USP53: variants seen among roughly 807,000 people sequenced by gnomAD.
USP53 encodes ubiquitin carboxyl-terminal hydrolase 53.
Under a neutral mutation model 94.9 loss-of-function variants are expected in USP53, and 71 were observed. The ratio of observed to expected loss-of-function variants is 0.75; its 90% confidence interval spans 0.62 to 0.91. The LOEUF is 0.91. USP53 is among the 40% of genes least tolerant of loss of function. The pLI is 0.00. For missense variants in USP53, 1,173 were observed against 1,281.0 expected, an observed-to-expected ratio of 0.92 and a Z score of 1.29; for synonymous variants, 375 against 422.7, an observed-to-expected ratio of 0.89 and a Z score of 1.39.
intron 13 of USP53, 95 bp from the exon 14 acceptor site, chr4:119,268,173 C>CA (rs10683951): frequency 0.27 from 231,680 of 859,892 alleles, 7,422 homozygotes; most frequent in East Asian, 0.37. Context: ...GACTCCGTCT[C>CA]AAAAAAAAAA....
At position 119,259,897 on chromosome 4, in the gene USP53, A is replaced by G; in HGVS notation, c.647A>G (p.Asn216Ser). 1 of 1,611,868 alleles carries G rather than the reference A, an allele frequency of 6.2e-7. No homozygotes were observed. The highest frequency in any genetic ancestry group is 8.5e-7 in the Non-Finnish European group (1 of 1,178,902). ...EMFAELLQAA[N>S]TTDDYRKCPS... ...TTTGCAGAATTGCTACAAGCAGCAA[A>G]TACAACAGATGACTATAGGAAATGT... is the stretch of plus-strand genomic sequence containing the variant. Residue 216 changes from asparagine (N) to serine (S), a missense_variant, in exon 10 of 19, where the codon AAT becomes AGT. Coordinates refer to ENST00000692078, the MANE Select transcript of USP53 (RefSeq NM_001371395.1).
chr4:119,269,004 A>G (rs922339157), intron 14 of USP53, among the ~76,000 whole-genome samples: 3 of 152,244 alleles, frequency 2.0e-5, no homozygotes, highest in African/African-American at 7.2e-5. Flanking sequence ...ACCTTTAAAC[A>G]TATTAATGAA....
At chr4:119,275,899 T>C (rs1752566826) in intron 17 of USP53, among the ~76,000 whole-genome samples, 2 of 151,354 alleles carry the variant, frequency 1.3e-5, no homozygotes, top group South Asian at 4.2e-4. Context: ...GCTCTCTGTT[T>C]GTCTGTTGTT....
intron 4 of USP53, among the ~76,000 whole-genome samples, chr4:119,237,430 G>A (rs552885875): frequency 2.6e-5 from 4 of 152,242 alleles, no homozygotes; most frequent in South Asian, 2.1e-4. Context: ...GGAACCTGGT[G>A]CTAAACTATT....
chr4:119,260,713 C>G (rs1442236152), intron 11 of USP53, 60 bp downstream of exon 11: 1 of 1,558,798 alleles, frequency 6.4e-7, no homozygotes, highest in Non-Finnish European at 8.8e-7. Flanking sequence ...AAACATCATC[C>G]TGATGTTTTA....
chr4:119,273,959 T>C (rs1578539362), intron 17 of USP53, among the ~76,000 whole-genome samples: 1 of 151,470 alleles, frequency 6.6e-6, no homozygotes, highest in Non-Finnish European at 1.5e-5. Flanking sequence ...ACTTTCCACA[T>C]TGACTTCACA....
In USP53 at chr4:119,261,744, CA is replaced by C; in HGVS notation, c.857del (p.Asn286IlefsTer9). ...TTTATAGAGTTACTGATGAAAATGC[CA>C]AAAATAGTGAACTTAACCTTGTTGG... ...LFYRVTDENA[K>X]NSELNLVGMI... On this transcript the variant is annotated frameshift_variant, in exon 12 of 19. Transcript: ENST00000692078. LOFTEE classifies it high-confidence loss of function. 4 of 1,561,978 alleles carry C rather than the reference CA, an allele frequency of 2.6e-6. No individual in the cohort carries two copies. The highest frequency in any genetic ancestry group is 1.7e-5 in the Admixed American group (1 of 58,232).
chr4:119,279,876 G>A (rs62328398), intron 17 of USP53, among the ~76,000 whole-genome samples: 32,971 of 152,104 alleles, frequency 0.22, 4,094 homozygotes, highest in South Asian at 0.32. Context: ...AGGTGCGTCC[G>A]TCACCCCTTT....
chr4:119,230,018 G>C (rs550314196), intron 3 of USP53, among the ~76,000 whole-genome samples: 1 of 152,120 alleles, frequency 6.6e-6, no homozygotes, highest in Non-Finnish European at 1.5e-5. Flanking sequence ...ACTTGTGCTC[G>C]TTTTTCAATA....
At chr4:119,260,337 A>G (rs1338620498) in intron 10 of USP53, among the ~76,000 whole-genome samples, 170 bp from the exon 11 acceptor site, 2 of 151,688 alleles carry the variant, frequency 1.3e-5, no homozygotes, top group African/African-American at 4.9e-5. Flanking sequence ...ATTTAAAATA[A>G]ACTTCTTTTT....
intron 17 of USP53, among the ~76,000 whole-genome samples, chr4:119,277,724 T>C (rs1367153663): frequency 7.0e-6 from 1 of 143,094 alleles, no homozygotes; most frequent in African/African-American, 2.6e-5. Flanking sequence ...ATTATTAATG[T>C]GTGGGAGTCT....
chr4:119,219,624 A>T (rs1232355042), intron 3 of USP53: 2 of 152,270 alleles, frequency 1.3e-5, no homozygotes, highest in Non-Finnish European at 2.9e-5. Context: ...TACCCAGACC[A>T]TTCTAGTAGC....
In USP53 at chr4:119,267,424, G is replaced by C. The variant is rs747425325; in HGVS notation, c.1077G>C (p.Glu359Asp). 2.8e-5 allele frequency: 45 copies of C among 1,613,948 alleles called. No homozygotes were observed. The highest frequency in any genetic ancestry group is 3.3e-5 in the Non-Finnish European group (39 of 1,180,004). ...CAGATGGCACAGCAGTTTCTACTGAGGATGCACTCAGGCAGGTCATCAGCT... is the reference window on the plus strand; with the variant it reads ...CAGATGGCACAGCAGTTTCTACTGACGATGCACTCAGGCAGGTCATCAGCT... Reference protein sequence around the residue: ...ANPDGTAVSTEDALRQVISWS... With the variant: ...ANPDGTAVSTDDALRQVISWS... The change falls in exon 13 of 19, where the codon GAG (glutamate) becomes GAC (aspartate). Residue 359 changes from glutamate (E) to aspartate (D), a missense_variant. Glu to Asp is a conservative substitution (Grantham distance 45). Coordinates refer to ENST00000692078, the MANE Select transcript of USP53 (RefSeq NM_001371395.1).
intron 13 of USP53, 112 bp downstream of exon 13, chr4:119,267,594 C>A: frequency 8.2e-7 from 1 of 1,217,430 alleles, no homozygotes; most frequent in Non-Finnish European, 1.1e-6. Context: ...ATTTGACTTT[C>A]AGTAGAGCTG....
In USP53 at chr4:119,293,073, TC is replaced by T. The variant is rs1356742389; in HGVS notation, c.3086del (p.Pro1029GlnfsTer7). On this transcript the variant is annotated frameshift_variant, in exon 19 of 19. Coordinates refer to ENST00000692078, the MANE Select transcript of USP53 (RefSeq NM_001371395.1). LOFTEE classifies it high-confidence loss of function. The stretch of plus-strand genomic sequence containing the variant: ...CAGAACTAGACTCTATTTCTACCTG[TC>T]CAAATGAGACAGTTTCATTAACTAC... Reference protein sequence around the residue: ...QPELDSISTCPNETVSLTTYF... With the variant: ...QPELDSISTCXNETVSLTTYF... 6.2e-7 allele frequency: 1 copy of T among 1,614,088 alleles called. No individual in the cohort carries two copies. Among genetic ancestry groups the T allele is most frequent in the South Asian group, 1.1e-5 (1 of 91,084 alleles).
intron 12 of USP53, among the ~76,000 whole-genome samples, chr4:119,265,719 T>G (rs1751046899): frequency 6.6e-6 from 1 of 150,602 alleles, no homozygotes; most frequent in South Asian, 2.1e-4. Flanking sequence ...ACTCCTCAAG[T>G]CTCTTGGAAT....
intron 12 of USP53, among the ~76,000 whole-genome samples, chr4:119,265,710 C>T (rs1008415298): frequency 7.1e-6 from 1 of 141,526 alleles, no homozygotes; most frequent in Non-Finnish European, 1.6e-5. Flanking sequence ...AACAAATGGA[C>T]TCCTCAAGTC....
intron 5 of USP53, among the ~76,000 whole-genome samples, chr4:119,245,128 G>C (rs1447301455): frequency 6.6e-6 from 1 of 152,128 alleles, no homozygotes; most frequent in Admixed American, 6.5e-5. Flanking sequence ...AGTATCTTCT[G>C]AATCCAACTT....
At chr4:119,260,938 A>G (rs1485605511) in intron 11 of USP53, among the ~76,000 whole-genome samples, 1 of 144,254 alleles carries the variant, frequency 6.9e-6, no homozygotes, top group Non-Finnish European at 1.5e-5. Context: ...CATCTAAAGC[A>G]CTGATCTCTC....
Sources: allele counts gnomAD v4.1 joint callset (sites outside exome capture counted in the v4.1 genomes callset), GRCh38; gene constraint gnomAD v4.1.1; transcripts MANE v1.5; gene names NCBI Gene and HGNC (gene_info 2026-07-23, HGNC 2026-07-21).